Variants in CLEC17A observed in about 807,000 individuals in gnomAD.
The protein encoded by CLEC17A is C-type lectin domain family 17, member A.
In CLEC17A, 37 loss-of-function variants were observed where a neutral mutation model predicts 61.3. That is an observed-to-expected ratio of 0.60 (90% CI 0.46 to 0.79). The LOEUF is 0.79. Among genes scored for constraint, CLEC17A ranks in the 30% least tolerant of loss-of-function variants. CLEC17A has a pLI of 0.00. For synonymous variants in CLEC17A, 168 were observed against 164.9 expected (o/e 1.02, Z -0.14); for missense variants, 418 against 464.7 (o/e 0.90, Z 0.92).
At chr19:14,584,927 T>G (rs2074251587) in intron 2 of CLEC17A, among the ~76,000 whole-genome samples, 1 of 151,972 alleles carries the variant, frequency 6.6e-6, no homozygotes, top group East Asian at 1.9e-4. Flanking sequence ...CATCATGACC[T>G]TACCCACATC....
chr19:14,596,021 T>TTGTTGGGATTGATGA (rs1555746029), intron 8 of CLEC17A, among the ~76,000 whole-genome samples: 1 of 149,068 alleles, frequency 6.7e-6, no homozygotes, highest in South Asian at 2.2e-4. Flanking sequence ...AGTGATGGTG[T>TTGTTGGGATTGATGA]TGGTGATGAC....
intron 7 of CLEC17A, 134 bp downstream of exon 7, chr19:14,594,934 C>T (rs966338697): frequency 3.6e-5 from 32 of 891,588 alleles, no homozygotes; most frequent in East Asian, 1.1e-4. Flanking sequence ...TGCAGTGGTG[C>T]GATACTGGCT....
At chr19:14,582,930 C>T (rs539752039), upstream of CLEC17A, among the ~76,000 whole-genome samples, 21 of 151,818 alleles carry the variant, frequency 1.4e-4, no homozygotes, top group African/African-American at 4.6e-4. Flanking sequence ...TCCTTCTGTG[C>T]GTGAATCCAA....
chr19:14,595,869 G>A (rs2074532251), intron 8 of CLEC17A, among the ~76,000 whole-genome samples: 1 of 141,948 alleles, frequency 7.0e-6, no homozygotes, highest in African/African-American at 2.6e-5. Context: ...GGTAGTGATG[G>A]TGTTAGTGAG....
chr19:14,592,054 A>G (rs941950758), intron 3 of CLEC17A, among the ~76,000 whole-genome samples: 1 of 152,160 alleles, frequency 6.6e-6, no homozygotes, highest in Admixed American at 6.6e-5. Flanking sequence ...CCTGGCTACC[A>G]CTTGTCATGT....
intron 12 of CLEC17A, among the ~76,000 whole-genome samples, chr19:14,604,186 G>A (rs2146737650): frequency 6.6e-6 from 1 of 152,122 alleles, no homozygotes; most frequent in African/African-American, 2.4e-5. Context: ...CACCTCCCTG[G>A]GGCTTTACCC....
upstream of CLEC17A, chr19:14,583,019 C>T: frequency 1.3e-6 from 1 of 786,568 alleles, no homozygotes; most frequent in Non-Finnish European, 2.1e-6. Flanking sequence ...GGTCTGAGGG[C>T]TTCCTGTCAA....
At chr19:14,594,491 C>T in intron 4 of CLEC17A, 26 bp from the exon 5 acceptor site, 1 of 1,562,448 alleles carries the variant, frequency 6.4e-7, no homozygotes, top group South Asian at 1.2e-5. Context: ...TCAGCCCAGC[C>T]CTCACCCTGA....
intron 13 of CLEC17A, among the ~76,000 whole-genome samples, chr19:14,607,353 A>G (rs1033649659): frequency 2.7e-5 from 4 of 145,616 alleles, no homozygotes; most frequent in South Asian, 4.3e-4. Context: ...ACAGGTGCCC[A>G]TCACCATGCC....
At chr19:14,582,256 A>G (rs2074190944), upstream of CLEC17A, among the ~76,000 whole-genome samples, 1 of 144,466 alleles carries the variant, frequency 6.9e-6, no homozygotes. Flanking sequence ...TCTGTCACCC[A>G]GGCTGGAGTG....
At chr19:14,581,266 T>C (rs918058698), upstream of CLEC17A, among the ~76,000 whole-genome samples, 15 of 152,182 alleles carry the variant, frequency 9.9e-5, no homozygotes, top group Non-Finnish European at 2.2e-4. Context: ...TTTCCTATAG[T>C]GACTCTAACA....
intron 12 of CLEC17A, 118 bp downstream of exon 12, chr19:14,600,300 A>G: frequency 2.4e-6 from 3 of 1,255,848 alleles, no homozygotes; most frequent in Middle Eastern, 2.0e-4. Flanking sequence ...TTCAGTTACT[A>G]AAACTTTAAC....
chr19:14,609,276 G>C (rs2146766234), intron 13 of CLEC17A, among the ~76,000 whole-genome samples: 1 of 152,314 alleles, frequency 6.6e-6, no homozygotes, highest in Admixed American at 6.5e-5. Context: ...TGGTGCTGTT[G>C]ACATCCCAGT....
At chr19:14,593,032 A>G (rs2074458997) in intron 4 of CLEC17A, among the ~76,000 whole-genome samples, 1 of 152,098 alleles carries the variant, frequency 6.6e-6, no homozygotes, top group Non-Finnish European at 1.5e-5. Flanking sequence ...CCGAGTCATA[A>G]AAGCTGGTGC....
At chr19:14,593,203 G>C (rs1391171282) in intron 4 of CLEC17A, among the ~76,000 whole-genome samples, 1 of 152,004 alleles carries the variant, frequency 6.6e-6, no homozygotes, top group African/African-American at 2.4e-5. Context: ...TGGGCTGGTT[G>C]CAGTGGTGTG....
chr19:14,594,600 C>A, intron 5 of CLEC17A, 32 bp from the exon 6 acceptor site: 1 of 1,613,740 alleles, frequency 6.2e-7, no homozygotes, highest in East Asian at 2.2e-5. Flanking sequence ...TTGCCCTGCT[C>A]TGGCCCTGAC....
chr19:14,591,770 C>T (rs2074424685), intron 3 of CLEC17A, among the ~76,000 whole-genome samples: 1 of 151,616 alleles, frequency 6.6e-6, no homozygotes. Context: ...GTTGCCCAGG[C>T]TGATCTCGAA....
intron 2 of CLEC17A, among the ~76,000 whole-genome samples, chr19:14,586,588 G>GT (rs1428783134): frequency 1.2e-4 from 16 of 138,158 alleles, no homozygotes; most frequent in Admixed American, 5.4e-4. Flanking sequence ...TGCCTGGATG[G>GT]TTTTTTCTAA....
chr19:14,592,266 C>G lies in CLEC17A; in HGVS notation c.200-15C>G, dbSNP rs2074437853. 1.3e-6 allele frequency: 2 copies of G among 1,579,600 alleles called. No individual in the cohort carries two copies. The highest frequency in any genetic ancestry group is 1.7e-6 in the Non-Finnish European group (2 of 1,162,328). ...GAGGGAATGGCTGGGCTCTGACTTG[C>G]CTTTCCCCTGGAAGGGACCATGGAG... On this transcript the variant is annotated splice_polypyrimidine_tract_variant and intron_variant, in intron 3 of 13. Transcript: ENST00000417570.
Sources: gnomAD v4.1 joint callset for allele counts (sites outside exome capture counted in the v4.1 genomes callset) on GRCh38, gnomAD v4.1.1 for gene constraint, MANE v1.5 for transcripts, NCBI Gene and HGNC (gene_info 2026-07-23, HGNC 2026-07-21) for gene names.